Variants in DNAH14 observed in about 807,000 individuals in gnomAD.
The protein encoded by DNAH14 is dynein axonemal heavy chain 14, also known as axonemal beta dynein heavy chain 14.
DNAH14 carries 478 observed loss-of-function variants against 520.9 expected under a neutral mutation model. The observed-to-expected ratio is 0.92, with a 90% CI of 0.85 to 0.99. The LOEUF is 0.99. Among genes scored for constraint, DNAH14 ranks in the 50% least tolerant of loss-of-function variants. DNAH14 has a pLI of 0.00. For synonymous variants in DNAH14, 1,581 were observed against 1,757.2 expected (o/e 0.90, Z 2.51); for missense variants, 4,831 against 5,234.5 (o/e 0.92, Z 2.38).
chr1:225,045,175 C>A (rs1011244925), intron 15 of DNAH14, among the ~76,000 whole-genome samples: 6 of 151,686 alleles, frequency 4.0e-5, no homozygotes, highest in Middle Eastern at 3.2e-3. Flanking sequence ...CTTTTTTTCC[C>A]TTTGGATTTT....
chr1:225,088,082 A>G (rs1436684876), intron 21 of DNAH14, among the ~76,000 whole-genome samples: 4 of 152,226 alleles, frequency 2.6e-5, no homozygotes, highest in Non-Finnish European at 4.4e-5. Context: ...TGCACCCAGA[A>G]CAAAGCTCAA....
chr1:225,015,495 G>A (rs2065140722), intron 10 of DNAH14, among the ~76,000 whole-genome samples: 1 of 152,116 alleles, frequency 6.6e-6, no homozygotes, highest in African/African-American at 2.4e-5. Flanking sequence ...ATGTTTGCAC[G>A]ATGGTGGTTA....
At chr1:225,016,086 A>G (rs1032375441) in intron 10 of DNAH14, among the ~76,000 whole-genome samples, 8 of 152,156 alleles carry the variant, frequency 5.3e-5, no homozygotes, top group African/African-American at 9.7e-5. Flanking sequence ...GTGATTGTCT[A>G]TTGTTTTTCA....
chr1:225,063,401 T>C (rs770771002), intron 17 of DNAH14, among the ~76,000 whole-genome samples: 11 of 152,158 alleles, frequency 7.2e-5, no homozygotes, highest in Non-Finnish European at 1.3e-4. Context: ...TTTTTTATTG[T>C]TATAATTTTT....
chr1:225,256,558 G>A (rs1012788859), intron 44 of DNAH14, among the ~76,000 whole-genome samples: 1 of 152,130 alleles, frequency 6.6e-6, no homozygotes, highest in African/African-American at 2.4e-5. Flanking sequence ...AAACATTCTT[G>A]AGACATAGAA....
intron 55 of DNAH14, among the ~76,000 whole-genome samples, chr1:225,294,962 A>G (rs1272774877): frequency 6.6e-6 from 1 of 152,048 alleles, no homozygotes; most frequent in African/African-American, 2.4e-5. Context: ...TAGTCTGCTC[A>G]GGTTTTCTAT....
At position 225,159,607 on chromosome 1, in the gene DNAH14, G is replaced by A. The variant is rs1197684988; in HGVS notation, c.5445+122G>A. 3 of 1,079,272 alleles carry A rather than the reference G, an allele frequency of 2.8e-6. No homozygotes were observed. In the East Asian group the frequency reaches 8.3e-5, roughly 30 times the overall value. The allele number at this position is 1,079,272 out of a possible 1,614,324, so 66.9% of individuals were successfully genotyped here. ...TTCTTTATTCATGTTATAATTGAGGGGATAAAAATACTTGGAGATATATAG... is the reference window on the plus strand; with the variant it reads ...TTCTTTATTCATGTTATAATTGAGGAGATAAAAATACTTGGAGATATATAG... On this transcript the variant is annotated intron_variant, in intron 35 of 85. Transcript: ENST00000682510.
At chr1:225,138,111 G>T (rs1341717922) in intron 27 of DNAH14, among the ~76,000 whole-genome samples, 1 of 152,094 alleles carries the variant, frequency 6.6e-6, no homozygotes. Flanking sequence ...CCCTCCCCCT[G>T]GGAGTTCTCT....
rs915407185 is a variant in DNAH14 at position 225,273,219 on chromosome 1, T to C, written c.8010+94T>C. 4 of 1,314,132 alleles carry C rather than the reference T, an allele frequency of 3.0e-6. No homozygotes were observed. In the African/African-American group the frequency reaches 6.1e-5, roughly 20 times the overall value. 81.4% of individuals were successfully genotyped at this position (1,314,132 alleles called of 1,614,324 possible). A position where few individuals can be genotyped will look rare whatever the true frequency, so the allele number is the denominator to read the frequency against. ...AGGCCGAAGCGGGCAGATCACGAGG[T>C]CAGGAGATTGAGACCATCCTGGCTA... On this transcript the variant is annotated intron_variant, in intron 52 of 85. Coordinates refer to ENST00000682510, the MANE Select transcript of DNAH14 (RefSeq NM_001367479.1).
chr1:225,043,276 G>GAAA (rs10671374), intron 13 of DNAH14, among the ~76,000 whole-genome samples, 162 bp downstream of exon 13: 63,793 of 97,784 alleles, frequency 0.65, 22,400 homozygotes, highest in Non-Finnish European at 0.78. Context: ...GTCTCTTGGG[G>GAAA]AAAAAAAAAA....
Position 225,119,211 on chromosome 1 carries a change from T to C in DNAH14, c.4092-9T>C. 8 of 1,512,578 alleles carry C rather than the reference T, an allele frequency of 5.3e-6. No individual in the cohort carries two copies. Among genetic ancestry groups the C allele is most frequent in the Non-Finnish European group, 7.1e-6 (8 of 1,128,678 alleles). The allele number at this position is 1,512,578 out of a possible 1,614,324, so 93.7% of individuals were successfully genotyped here. A position where few individuals can be genotyped will look rare whatever the true frequency, so the allele number is the denominator to read the frequency against. ...TTCTTCATGATATTATTTTTGAAAC[T>C]AATTTTAGGAAAATTCGTGTAAGAA... On this transcript the variant is annotated splice_polypyrimidine_tract_variant and intron_variant, in intron 25 of 85. Transcript: ENST00000682510.
intron 35 of DNAH14, among the ~76,000 whole-genome samples, chr1:225,163,400 T>C (rs1206611340): frequency 6.6e-6 from 1 of 152,196 alleles, no homozygotes. Context: ...CTATGTTGAA[T>C]AACAGTGGTG....
chr1:225,218,614 A>G (rs546354385), intron 41 of DNAH14, among the ~76,000 whole-genome samples: 11 of 152,352 alleles, frequency 7.2e-5, no homozygotes, highest in African/African-American at 2.2e-4. Flanking sequence ...AGAGCTAACA[A>G]TCCTAAATAT....
At position 225,257,963 on chromosome 1, in the gene DNAH14, C is replaced by T; in HGVS notation, c.6869C>T (p.Thr2290Ile). 1.9e-6 allele frequency: 3 copies of T among 1,544,542 alleles called. No homozygotes were observed. The highest frequency in any genetic ancestry group is 4.0e-5 in the Admixed American group (2 of 50,220). Residue 2290 changes from threonine (T) to isoleucine (I), a missense_variant, in exon 45 of 86, where the codon ACT becomes ATT. By Grantham distance (89) the Thr-to-Ile change is moderately conservative (BLOSUM62 -1). Transcript: ENST00000682510. The stretch of plus-strand genomic sequence containing the variant: ...TTTTTTTAAAATGTTAACTTAGGAA[C>T]TTCATTACTAACTAATCTTCAAAGA... ...PNDQTLIQRG[T>I]SLLTNLQRSG... is the part of the protein sequence containing the mutation.
rs1009610578 is a variant in DNAH14 at position 225,008,717 on chromosome 1, G to A, written c.1107+1173G>A. 1.9e-4 allele frequency among the ~76,000 whole-genome samples: 28 copies of A among 151,306 alleles called. 1 individual carries two copies. The highest frequency in any genetic ancestry group is 9.8e-4 in the East Asian group (5 of 5,128). Reference sequence around the variant, plus strand: ...TGGGATTACAGGCATGAGCCACCGCGCCTGGCCGTTTCCTGACTTTTTAAT... The same window carrying A: ...TGGGATTACAGGCATGAGCCACCGCACCTGGCCGTTTCCTGACTTTTTAAT... On this transcript the variant is annotated intron_variant, in intron 10 of 85. Transcript: ENST00000682510.
intron 35 of DNAH14, among the ~76,000 whole-genome samples, chr1:225,165,528 T>C (rs893156923): frequency 1.3e-5 from 2 of 151,762 alleles, no homozygotes; most frequent in African/African-American, 2.4e-5. Context: ...CTTACATGTG[T>C]TCTGGATTTT....
chr1:225,299,714 ATCT>A (rs2094099176), intron 55 of DNAH14, among the ~76,000 whole-genome samples: 1 of 152,186 alleles, frequency 6.6e-6, no homozygotes, highest in South Asian at 2.1e-4. Flanking sequence ...AGATCATTGG[ATCT>A]GTTTCCCACA....
At chr1:225,335,894 C>T (rs1366115540) in intron 66 of DNAH14, among the ~76,000 whole-genome samples, 1 of 98,246 alleles carries the variant, frequency 1.0e-5, no homozygotes, top group African/African-American at 3.6e-5. Context: ...TGTACATATA[C>T]ATACATATAT....
At chr1:225,249,439 T>A (rs149776664) in intron 43 of DNAH14, among the ~76,000 whole-genome samples, 1 of 152,300 alleles carries the variant, frequency 6.6e-6, no homozygotes, top group Non-Finnish European at 1.5e-5. Context: ...TTATTTGGGA[T>A]GGACAGTAAT....
Sources: gnomAD v4.1 joint callset for allele counts (sites outside exome capture counted in the v4.1 genomes callset) on GRCh38, gnomAD v4.1.1 for gene constraint, MANE v1.5 for transcripts, NCBI Gene and HGNC (gene_info 2026-07-23, HGNC 2026-07-21) for gene names.